TFEC: variants seen among roughly 807,000 people sequenced by gnomAD.
TFEC encodes transcription factor EC.
TFEC carries 31 observed loss-of-function variants against 41.6 expected under a neutral mutation model. The ratio of observed to expected loss-of-function variants is 0.74; its 90% CI spans 0.56 to 1.01. The LOEUF (loss-of-function observed/expected upper bound fraction) is 1.01. Ranked by LOEUF, TFEC falls within the 50% of genes least tolerant of loss-of-function variation. TFEC has a pLI of 0.00. For synonymous variants in TFEC, 143 were observed against 140.6 expected (o/e 1.02, Z -0.12); for missense variants, 402 against 404.1 (o/e 0.99, Z 0.04).
intron 3 of TFEC, among the ~76,000 whole-genome samples, chr7:115,968,014 A>T (rs953313911): frequency 1.3e-5 from 2 of 151,808 alleles, no homozygotes; most frequent in Non-Finnish European, 2.9e-5. Flanking sequence ...CACTAAAAAT[A>T]ATCTTGTAAG....
At chr7:116,017,386 G>C (rs1265934016) in intron 1 of TFEC, among the ~76,000 whole-genome samples, 1 of 152,020 alleles carries the variant, frequency 6.6e-6, no homozygotes, top group East Asian at 1.9e-4. Context: ...ACCGCAGCTG[G>C]CTAATTTTTG....
intron 3 of TFEC, among the ~76,000 whole-genome samples, chr7:116,071,924 TA>T (rs1024826175): frequency 1.3e-5 from 2 of 151,474 alleles, no homozygotes; most frequent in African/African-American, 4.8e-5. Context: ...TAGTATTACT[TA>T]AATTAGAAAA....
rs769377038 is a variant in TFEC at position 115,941,958 on chromosome 7, G to C, written c.598C>G (p.Arg200Gly). The C allele has an allele frequency of 6.2e-7, 1 of 1,612,894 alleles. No homozygotes were observed. The highest frequency in any genetic ancestry group is 1.7e-5 in the Admixed American group (1 of 59,858). ...KWLQKEQQRA[R>G]ELEHRQKKLE... ...TTCTTCTGTCTGTGTTCCAATTCTC[G>C]GGCTCTCTGTTGTTCTTTTTGTAGC... Residue 200 changes from arginine to glycine, a missense_variant, in exon 7 of 8, where the codon CGA becomes GGA. By Grantham distance (125) the Arg-to-Gly change is moderately radical (BLOSUM62 -2). Coordinates refer to ENST00000265440, the MANE Select transcript of TFEC (RefSeq NM_012252.4).
intron 1 of TFEC, among the ~76,000 whole-genome samples, chr7:116,000,226 A>C (rs1180968700): frequency 3.9e-5 from 6 of 152,146 alleles, no homozygotes; most frequent in Admixed American, 1.3e-4. Context: ...TGATCATTTC[A>C]ATTGATATGG....
chr7:116,039,421 CTGTGTGTGTG>C (rs140778741), intron 3 of TFEC, among the ~76,000 whole-genome samples: 3 of 144,228 alleles, frequency 2.1e-5, no homozygotes, highest in South Asian at 2.2e-4. Context: ...AAAGAAAATT[CTGTGTGTGTG>C]TGTGTGTGTG....
At chr7:115,975,227 T>A (rs1371081732) in intron 2 of TFEC, among the ~76,000 whole-genome samples, 1 of 152,066 alleles carries the variant, frequency 6.6e-6, no homozygotes, top group Non-Finnish European at 1.5e-5. Flanking sequence ...CTTCTCTCTC[T>A]CTCTCTTTCT....
At chr7:116,151,574 A>G (rs896385857) in intron 1 of TFEC, among the ~76,000 whole-genome samples, 7 of 151,188 alleles carry the variant, frequency 4.6e-5, no homozygotes, top group African/African-American at 1.7e-4. Context: ...CTTCAGTTGG[A>G]TTTTTCTTCT....
intron 6 of TFEC, among the ~76,000 whole-genome samples, chr7:115,948,494 T>G (rs1242420594): frequency 6.6e-6 from 1 of 152,122 alleles, no homozygotes; most frequent in Non-Finnish European, 1.5e-5. Flanking sequence ...AAAAAGCGTA[T>G]CCACCATGAT....
chr7:116,000,632 T>A (rs1421735338), intron 1 of TFEC, among the ~76,000 whole-genome samples: 1 of 152,126 alleles, frequency 6.6e-6, no homozygotes, highest in Non-Finnish European at 1.5e-5. Context: ...TCAGTAACAT[T>A]TCTGATTTCA....
At chr7:116,043,261 G>T (rs1796083073) in intron 3 of TFEC, among the ~76,000 whole-genome samples, 1 of 151,912 alleles carries the variant, frequency 6.6e-6, no homozygotes, top group African/African-American at 2.4e-5. Flanking sequence ...CCACTCTTAA[G>T]GACTTTTTTT....
intron 1 of TFEC, among the ~76,000 whole-genome samples, chr7:116,000,790 G>A (rs1039126668): frequency 1.2e-4 from 19 of 152,180 alleles, no homozygotes; most frequent in African/African-American, 3.6e-4. Flanking sequence ...ATTAATGCAA[G>A]AAATTGGAGA....
chr7:116,023,876 G>A (rs1423122995), intron 1 of TFEC, among the ~76,000 whole-genome samples: 1 of 151,868 alleles, frequency 6.6e-6, no homozygotes, highest in Non-Finnish European at 1.5e-5. Flanking sequence ...TTGACTTTTC[G>A]CCTCTCTGAC....
At chr7:116,095,935 G>A (rs58055153) in intron 3 of TFEC, among the ~76,000 whole-genome samples, 54,165 of 151,832 alleles carry the variant, frequency 0.36, 10,114 homozygotes, top group East Asian at 0.69. Context: ...GGCTTCATCT[G>A]TTGCCTTTGC....
intron 3 of TFEC, among the ~76,000 whole-genome samples, chr7:115,963,732 T>C (rs1792692365): frequency 6.6e-6 from 1 of 151,694 alleles, no homozygotes; most frequent in Non-Finnish European, 1.5e-5. Context: ...AGACAGAAAG[T>C]AGACCAAAGG....
Position 115,942,214 on chromosome 7 carries a change from A to G in TFEC, c.516-174T>C, listed in dbSNP as rs143565973. On this transcript the variant is annotated intron_variant, in intron 6 of 7. Transcript: ENST00000265440. ...TAGAATAGTTAAGAAGCCCTTATAT[A>G]GTAAAATTAATCCCAGAATGAAAAT... Among the ~76,000 whole-genome samples, 493 of 152,192 alleles carry G rather than the reference A, an allele frequency of 3.2e-3. 3 individuals carry two copies. Among genetic ancestry groups the G allele is most frequent in the African/African-American group, 0.011 (467 of 41,544 alleles).
rs1246377689 is a variant in TFEC at position 115,938,293 on chromosome 7, A to G, written c.*2258T>C. 6.6e-6 allele frequency: 1 copy of G among 151,952 alleles called. No homozygotes were observed. The highest frequency in any genetic ancestry group is 1.5e-5 in the Non-Finnish European group (1 of 67,878). 9.4% of individuals were successfully genotyped at this position (151,952 alleles called of 1,614,324 possible). On this transcript the variant is annotated 3_prime_UTR_variant, in exon 8 of 8. Coordinates refer to ENST00000265440, the MANE Select transcript of TFEC (RefSeq NM_012252.4). Reference sequence around the variant, plus strand: ...AACTGAAGCCAGTCTCTATCTAATAAAGTGGTGTGTTTTCTATGAACTCCA... The same window carrying G: ...AACTGAAGCCAGTCTCTATCTAATAGAGTGGTGTGTTTTCTATGAACTCCA...
intron 3 of TFEC, among the ~76,000 whole-genome samples, chr7:116,062,224 C>CTTTT (rs1796575680): frequency 2.6e-5 from 1 of 38,686 alleles, no homozygotes; most frequent in African/African-American, 1.2e-4. Context: ...ACATGCCTGG[C>CTTTT]CTTTTTTTTT....
chr7:116,153,020 T>C (rs1798793031), intron 1 of TFEC, among the ~76,000 whole-genome samples: 1 of 152,160 alleles, frequency 6.6e-6, no homozygotes, highest in South Asian at 2.1e-4. Flanking sequence ...AGCATAAGCA[T>C]GTTGAGGCGA....
At chr7:116,060,320 T>G (rs1796523265) in intron 3 of TFEC, among the ~76,000 whole-genome samples, 1 of 151,068 alleles carries the variant, frequency 6.6e-6, no homozygotes, top group Non-Finnish European at 1.5e-5. Flanking sequence ...CTCAAAGGAC[T>G]AAAAGCAGAA....
Sources: gnomAD v4.1 joint callset for allele counts (sites outside exome capture counted in the v4.1 genomes callset) on GRCh38, gnomAD v4.1.1 for gene constraint, MANE v1.5 for transcripts, NCBI Gene and HGNC (gene_info 2026-07-23, HGNC 2026-07-21) for gene names.